Variants in TANC1 observed in about 807,000 individuals in gnomAD.
The protein encoded by TANC1 is protein TANC1.
Under a neutral mutation model 149.7 loss-of-function variants are expected in TANC1, and 77 were observed. That is an observed-to-expected ratio of 0.51 (90% CI 0.43 to 0.62). The LOEUF (loss-of-function observed/expected upper bound fraction) is 0.62. Ranked by LOEUF, TANC1 falls within the 20% of genes least tolerant of loss-of-function variation. The probability of loss-of-function intolerance (pLI) is 0.00; values close to 1 mark genes in which losing one functional copy is unlikely to be tolerated. For missense variants in TANC1, 1,985 were observed against 2,321.8 expected (o/e 0.85, Z 2.98); for synonymous variants, 854 against 925.0 (o/e 0.92, Z 1.39).
At chr2:159,059,887 T>TC in intron 2 of TANC1, among the ~76,000 whole-genome samples, 1 of 128,620 alleles carries the variant, frequency 7.8e-6, no homozygotes, top group African/African-American at 3.1e-5. Flanking sequence ...AGCAGACCTC[T>TC]TTGTGTGTGT....
At chr2:159,229,443 C>T (rs774338068) in intron 26 of TANC1, 135 bp from the exon 27 acceptor site, 3 of 740,592 alleles carry the variant, frequency 4.1e-6, no homozygotes, top group Non-Finnish European at 6.5e-6. Flanking sequence ...TTAAGTGGGT[C>T]CTGGCCACCA....
intron 5 of TANC1, 154 bp from the exon 6 acceptor site, chr2:159,148,988 A>G (rs1049886762): frequency 1.3e-6 from 1 of 788,616 alleles, no homozygotes; most frequent in East Asian, 2.5e-5. Context: ...ATTAGAATGT[A>G]TTGCTAGAGG....
chr2:158,972,351 A>G (rs2033012924), intron 1 of TANC1, among the ~76,000 whole-genome samples: 2 of 152,138 alleles, frequency 1.3e-5, no homozygotes, highest in African/African-American at 4.8e-5. Context: ...TGGTGTCATC[A>G]TTCTTGGACT....
At chr2:159,215,214 CCGGTGACGAGGCCCCAGATAGAA>C (rs1163567371) in intron 19 of TANC1, among the ~76,000 whole-genome samples, 3 of 152,188 alleles carry the variant, frequency 2.0e-5, no homozygotes, top group African/African-American at 7.2e-5. Flanking sequence ...CCCTCACTTT[CCGGTGACGAGGCCCCAGATAGAA>C]CGCAGAGCTC....
intron 1 of TANC1, among the ~76,000 whole-genome samples, chr2:158,981,491 T>TTA (rs10602195): frequency 0.021 from 717 of 34,076 alleles, 14 homozygotes; most frequent in Non-Finnish European, 0.034. Flanking sequence ...TATATAGCTT[T>TTA]TATATATATA....
chr2:159,059,487 A>G (rs1264534713), intron 2 of TANC1, among the ~76,000 whole-genome samples: 2 of 151,338 alleles, frequency 1.3e-5, no homozygotes, highest in Non-Finnish European at 3.0e-5. Flanking sequence ...AGCCTGGGCA[A>G]CAGAGTAAGA....
intron 2 of TANC1, among the ~76,000 whole-genome samples, chr2:159,005,150 C>A (rs570111178): frequency 1.3e-5 from 2 of 152,268 alleles, no homozygotes; most frequent in East Asian, 3.9e-4. Context: ...TTCCGATAAA[C>A]CCACAACCTT....
chr2:159,167,931 A>G (rs1472930237), intron 8 of TANC1, among the ~76,000 whole-genome samples: 2 of 152,114 alleles, frequency 1.3e-5, no homozygotes, highest in African/African-American at 4.8e-5. Context: ...TTTTCAGAAG[A>G]CAGATGGCCC....
chr2:159,000,208 G>C (rs1437227101), intron 1 of TANC1, among the ~76,000 whole-genome samples: 1 of 152,142 alleles, frequency 6.6e-6, no homozygotes, highest in East Asian at 1.9e-4. Context: ...GGAGCGTGGG[G>C]TGTGGAAGGG....
chr2:159,115,686 ATGCCATTGGGAAGC>A (rs2048175072), intron 4 of TANC1, among the ~76,000 whole-genome samples: 1 of 152,118 alleles, frequency 6.6e-6, no homozygotes, highest in Non-Finnish European at 1.5e-5. Flanking sequence ...CATTTTTTGC[ATGCCATTGGGAAGC>A]TTGCCGAGCT....
chr2:159,007,657 C>G (rs1559125566), intron 2 of TANC1, among the ~76,000 whole-genome samples: 1 of 152,192 alleles, frequency 6.6e-6, no homozygotes, highest in Non-Finnish European at 1.5e-5. Context: ...GGCAAAATCT[C>G]CTGACACATT....
chr2:159,196,552 C>T, intron 17 of TANC1, 56 bp from the exon 18 acceptor site: 1 of 1,476,862 alleles, frequency 6.8e-7, no homozygotes. Context: ...GGTGCATCTG[C>T]ATGCTCAGAG....
At chr2:159,076,087 T>C (rs1472931562) in intron 3 of TANC1, among the ~76,000 whole-genome samples, 1 of 152,242 alleles carries the variant, frequency 6.6e-6, no homozygotes, top group Non-Finnish European at 1.5e-5. Context: ...TTTATTGCTC[T>C]GTTACATTTC....
intron 3 of TANC1, among the ~76,000 whole-genome samples, chr2:159,070,261 A>G (rs1237201806): frequency 6.6e-6 from 1 of 150,868 alleles, no homozygotes; most frequent in African/African-American, 2.4e-5. Context: ...TTTTTAAAGA[A>G]GACTTTTTTT....
chr2:158,991,791 C>G (rs2035659060), intron 1 of TANC1, among the ~76,000 whole-genome samples: 1 of 151,922 alleles, frequency 6.6e-6, no homozygotes, highest in South Asian at 2.1e-4. Context: ...ATGACTAACA[C>G]TATACATTTT....
chr2:159,194,238 G>C lies in TANC1; in HGVS notation c.2743-19G>C. 3 of 1,593,508 alleles carry C rather than the reference G, an allele frequency of 1.9e-6. No individual in the cohort carries two copies. The highest frequency in any genetic ancestry group is 2.6e-6 in the Non-Finnish European group (3 of 1,161,530). Reference sequence around the variant, plus strand: ...ATGACATACATGTGACAATCTTGTTGGGGGGCCTTGTCCAACAGGTGAGCC... The same window carrying C: ...ATGACATACATGTGACAATCTTGTTCGGGGGCCTTGTCCAACAGGTGAGCC... On this transcript the variant is annotated intron_variant, in intron 16 of 26. Transcript: ENST00000263635.
chr2:159,172,481 A>G (rs1225257173), intron 11 of TANC1, among the ~76,000 whole-genome samples: 1 of 152,256 alleles, frequency 6.6e-6, no homozygotes, highest in African/African-American at 2.4e-5. Flanking sequence ...GACCTGATCC[A>G]TCTTAAACAA....
chr2:158,969,765 A>G (rs2032562778), intron 1 of TANC1, among the ~76,000 whole-genome samples: 1 of 152,240 alleles, frequency 6.6e-6, no homozygotes, highest in Non-Finnish European at 1.5e-5. Context: ...GGCGTTGGCC[A>G]GGTAGAAACG....
At chr2:159,058,937 T>G (rs2042039591) in intron 2 of TANC1, among the ~76,000 whole-genome samples, 1 of 152,228 alleles carries the variant, frequency 6.6e-6, no homozygotes, top group African/African-American at 2.4e-5. Context: ...TCCACTTAAT[T>G]TTGGTGCATC....
Sources: gnomAD v4.1 joint callset for allele counts (sites outside exome capture counted in the v4.1 genomes callset) on GRCh38, gnomAD v4.1.1 for gene constraint, MANE v1.5 for transcripts, NCBI Gene and HGNC (gene_info 2026-07-23, HGNC 2026-07-21) for gene names.